Variants in BRINP3 observed in about 807,000 individuals in gnomAD.
BRINP3 encodes the protein BMP/retinoic acid inducible neural specific 3.
In BRINP3, 19 loss-of-function variants were observed where a neutral mutation model predicts 71.0. That is an observed-to-expected ratio of 0.27 (90% confidence interval 0.19 to 0.39). BRINP3 has a LOEUF of 0.39. BRINP3 is among the 10% of genes least tolerant of loss of function. BRINP3 has a pLI of 1.00. For synonymous variants in BRINP3, 380 were observed against 337.7 expected (o/e 1.13, Z -1.37); for missense variants, 959 against 940.8 (o/e 1.02, Z -0.25).
At chr1:190,253,075 G>T (rs1660297686) in intron 4 of BRINP3, among the ~76,000 whole-genome samples, 1 of 152,052 alleles carries the variant, frequency 6.6e-6, no homozygotes, top group East Asian at 1.9e-4. Context: ...ATGGTTTCCA[G>T]CTGGATTCAT....
intron 2 of BRINP3, among the ~76,000 whole-genome samples, chr1:190,332,380 T>C (rs1452337335): frequency 6.6e-6 from 1 of 152,070 alleles, no homozygotes; most frequent in African/African-American, 2.4e-5. Flanking sequence ...GTATACTGTA[T>C]GGCAGCCAAA....
At chr1:190,435,353 C>A (rs940668231) in intron 2 of BRINP3, among the ~76,000 whole-genome samples, 1 of 151,904 alleles carries the variant, frequency 6.6e-6, no homozygotes, top group African/African-American at 2.4e-5. Flanking sequence ...GAATAGACAT[C>A]ACTTAGACAA....
chr1:190,236,089 G>A (rs1658492119), intron 4 of BRINP3, among the ~76,000 whole-genome samples: 1 of 151,906 alleles, frequency 6.6e-6, no homozygotes, highest in African/African-American at 2.4e-5. Context: ...AGGCCATCAT[G>A]GAGATGATGA....
intron 2 of BRINP3, among the ~76,000 whole-genome samples, chr1:190,296,097 G>A (rs886746965): frequency 6.7e-6 from 1 of 150,308 alleles, no homozygotes; most frequent in African/African-American, 2.4e-5. Flanking sequence ...TGGGCTTTTG[G>A]TGTTATATTT....
chr1:190,248,205 C>T (rs974940509), intron 4 of BRINP3, among the ~76,000 whole-genome samples: 23 of 151,566 alleles, frequency 1.5e-4, no homozygotes, highest in African/African-American at 5.1e-4. Flanking sequence ...AACGTAATTG[C>T]GGTTTTTGCC....
At chr1:190,282,590 A>G (rs1482301889) in intron 2 of BRINP3, among the ~76,000 whole-genome samples, 1 of 152,026 alleles carries the variant, frequency 6.6e-6, no homozygotes, top group Non-Finnish European at 1.5e-5. Context: ...AAAATAATCA[A>G]ATAAAATGTT....
intron 6 of BRINP3, among the ~76,000 whole-genome samples, chr1:190,212,375 G>A (rs1388606489): frequency 6.6e-6 from 1 of 152,010 alleles, no homozygotes. Flanking sequence ...CAGCTATTTA[G>A]TTTGGAAAAA....
intron 2 of BRINP3, among the ~76,000 whole-genome samples, chr1:190,311,735 A>G (rs1005089401): frequency 1.3e-5 from 2 of 151,262 alleles, no homozygotes; most frequent in Non-Finnish European, 3.0e-5. Flanking sequence ...TCTAAATTGT[A>G]TAAGAGTAAA....
intron 2 of BRINP3, among the ~76,000 whole-genome samples, chr1:190,358,466 C>T (rs1328145793): frequency 6.6e-6 from 1 of 152,152 alleles, no homozygotes; most frequent in African/African-American, 2.4e-5. Context: ...AATGAGATAA[C>T]ATCTCACACC....
At chr1:190,467,014 G>C (rs1352934798) in intron 1 of BRINP3, among the ~76,000 whole-genome samples, 1 of 151,430 alleles carries the variant, frequency 6.6e-6, no homozygotes, top group Non-Finnish European at 1.5e-5. Context: ...TCTGAGAATT[G>C]TTATGACTAT....
chr1:190,442,714 G>T (rs980022083), intron 2 of BRINP3, among the ~76,000 whole-genome samples: 1 of 150,594 alleles, frequency 6.6e-6, no homozygotes, highest in Admixed American at 6.6e-5. Context: ...GTTACTTTGT[G>T]TGTATTTTCT....
chr1:190,439,996 T>A (rs1238126224), intron 2 of BRINP3, among the ~76,000 whole-genome samples: 1 of 151,958 alleles, frequency 6.6e-6, no homozygotes, highest in Non-Finnish European at 1.5e-5. Flanking sequence ...TATGCTAACA[T>A]AACAGACTGT....
chr1:190,170,754 A>G (rs1320035236), intron 6 of BRINP3, among the ~76,000 whole-genome samples: 1 of 152,192 alleles, frequency 6.6e-6, no homozygotes, highest in Admixed American at 6.6e-5. Flanking sequence ...CAGCTTGATG[A>G]CTTACTAGTC....
At position 190,474,308 on chromosome 1, in the gene BRINP3, A is replaced by C. The variant is rs891638499; in HGVS notation, c.-51+3140T>G. ...GAAGTTATGCATCATAGCAGGACCA[A>C]CTGAAAATGCATATATTCCATTGCT... On this transcript the variant is annotated intron_variant, in intron 1 of 7. Transcript: ENST00000367462. 7.2e-5 allele frequency: 11 copies of C among 152,772 alleles called. No individual in the cohort carries two copies. In the East Asian group the frequency reaches 2.1e-3, roughly 30 times the overall value. 9.5% of individuals were successfully genotyped at this position (152,772 alleles called of 1,614,324 possible).
chr1:190,473,773 AT>A (rs200647038), intron 1 of BRINP3, among the ~76,000 whole-genome samples: 4,779 of 142,314 alleles, frequency 0.034, 137 homozygotes, highest in African/African-American at 0.085. Flanking sequence ...ATAATTTTCT[AT>A]TTTTTTTTTT....
At chr1:190,326,081 T>TA (rs1168209884) in intron 2 of BRINP3, among the ~76,000 whole-genome samples, 18 of 151,848 alleles carry the variant, frequency 1.2e-4, no homozygotes, top group African/African-American at 1.5e-4. Context: ...TAAACATCTT[T>TA]AAAAAAAATC....
At chr1:190,464,423 A>G (rs2102677106) in intron 1 of BRINP3, among the ~76,000 whole-genome samples, 1 of 152,062 alleles carries the variant, frequency 6.6e-6, no homozygotes, top group Non-Finnish European at 1.5e-5. Context: ...ATTTTACAAT[A>G]TGCTGTTGTT....
At chr1:190,263,587 CTTTTTTTTTTT>C (rs34792964) in intron 4 of BRINP3, among the ~76,000 whole-genome samples, 1 of 129,456 alleles carries the variant, frequency 7.7e-6, no homozygotes, top group Non-Finnish European at 1.6e-5. Flanking sequence ...GAAGTAGTAA[CTTTTTTTTTTT>C]TTTTTTTTTG....
intron 2 of BRINP3, among the ~76,000 whole-genome samples, chr1:190,336,575 A>T (rs966220834): frequency 6.6e-6 from 1 of 152,064 alleles, no homozygotes; most frequent in Admixed American, 6.6e-5. Context: ...TTTTTAACCC[A>T]GGACAAATAT....
Sources: allele counts gnomAD v4.1 joint callset (sites outside exome capture counted in the v4.1 genomes callset), GRCh38; gene constraint gnomAD v4.1.1; transcripts MANE v1.5; gene names NCBI Gene and HGNC (gene_info 2026-07-23, HGNC 2026-07-21).